EIF4E1B: variants seen among roughly 807,000 people sequenced by gnomAD.
EIF4E1B encodes eukaryotic translation initiation factor 4E family member 1B.
In EIF4E1B, 22 loss-of-function variants were observed where a neutral mutation model predicts 31.3. The ratio of observed to expected loss-of-function variants is 0.70; its 90% CI spans 0.50 to 1.00. The LOEUF (loss-of-function observed/expected upper bound fraction) is 1.00. EIF4E1B is among the 50% of genes least tolerant of loss of function. The pLI, the probability that EIF4E1B is intolerant of heterozygous loss-of-function variation, is 0.00. For missense variants in EIF4E1B, 290 were observed against 311.6 expected (o/e 0.93, Z 0.52); for synonymous variants, 126 against 120.2 (o/e 1.05, Z -0.31).
At chr5:176,636,045 G>GACCTCAGGTGATCTGCCC (rs1266201311) in intron 1 of EIF4E1B, among the ~76,000 whole-genome samples, 1 of 152,186 alleles carries the variant, frequency 6.6e-6, no homozygotes, top group Non-Finnish European at 1.5e-5. Context: ...TCGAACTCCT[G>GACCTCAGGTGATCTGCCC]ACCTCAGGTG....
intron 1 of EIF4E1B, among the ~76,000 whole-genome samples, chr5:176,636,578 C>G (rs138756603): frequency 5.3e-4 from 81 of 152,320 alleles, no homozygotes; most frequent in African/African-American, 5.8e-4. Context: ...CTTTGTAACT[C>G]TGTGTGTGGC....
chr5:176,637,214 G>A (rs989592722), intron 1 of EIF4E1B, among the ~76,000 whole-genome samples: 15 of 152,144 alleles, frequency 9.9e-5, no homozygotes, highest in East Asian at 7.7e-4. Context: ...CGAGGTGGGC[G>A]GATCACCTGC....
intron 1 of EIF4E1B, among the ~76,000 whole-genome samples, chr5:176,639,335 C>T (rs1236734649): frequency 6.6e-6 from 1 of 152,164 alleles, no homozygotes; most frequent in East Asian, 1.9e-4. Context: ...TTAAGAGCCC[C>T]TGCTGGTTCA....
intron 1 of EIF4E1B, among the ~76,000 whole-genome samples, chr5:176,631,337 A>G (rs1264810571): frequency 6.6e-6 from 1 of 152,156 alleles, no homozygotes; most frequent in Non-Finnish European, 1.5e-5. Context: ...TACGGTGGGG[A>G]CTGTCAAAAT....
At position 176,645,250 on chromosome 5, in the gene EIF4E1B, TGGA is replaced by T. The variant is rs568798385; in HGVS notation, c.474+16_474+18del. ...CCGGCTGTGGCTGGAGACGGTGAGT[TGGA>T]GGAGGAGGGTCCTCAGGGGAAGAGA... On this transcript the variant is annotated splice_region_variant and intron_variant, in intron 7 of 8. Coordinates refer to ENST00000318682, the MANE Select transcript of EIF4E1B (RefSeq NM_001099408.2). The surrounding 1 kb of genome is among the most constrained non-coding windows in gnomAD (Gnocchi z 5.4). 81 of 1,602,142 alleles carry T rather than the reference TGGA, an allele frequency of 5.1e-5. 1 individual carries two copies. In the East Asian group the frequency reaches 1.7e-3, roughly 34 times the overall value.
chr5:176,636,452 A>G (rs1760494291), intron 1 of EIF4E1B, among the ~76,000 whole-genome samples: 1 of 152,246 alleles, frequency 6.6e-6, no homozygotes, highest in Non-Finnish European at 1.5e-5. Context: ...AACATGGCAA[A>G]AGGTGGGAAA....
chr5:176,642,870 C>CCCCCGGG, intron 3 of EIF4E1B, 68 bp downstream of exon 3: 1 of 1,426,052 alleles, frequency 7.0e-7, no homozygotes, highest in East Asian at 2.6e-5. Flanking sequence ...CCCCCCGCCC[C>CCCCCGGG]AGGTGGGCGG....
intron 5 of EIF4E1B, 116 bp from the exon 6 acceptor site, chr5:176,644,260 G>A: frequency 1.9e-6 from 2 of 1,072,538 alleles, no homozygotes; most frequent in Non-Finnish European, 2.7e-6. Context: ...GCAGGCCAGT[G>A]TAAGCAAAGG....
At chr5:176,642,554 G>A (rs192656569) in intron 2 of EIF4E1B, among the ~76,000 whole-genome samples, 156 bp from the exon 3 acceptor site, 1 of 152,240 alleles carries the variant, frequency 6.6e-6, no homozygotes, top group Non-Finnish European at 1.5e-5. Context: ...TCTGATGTGA[G>A]GTTGGGGATG....
At chr5:176,633,814 A>G (rs1186089236) in intron 1 of EIF4E1B, among the ~76,000 whole-genome samples, 1 of 152,204 alleles carries the variant, frequency 6.6e-6, no homozygotes. Flanking sequence ...ACAAGAAGTC[A>G]CTGAAGGATT....
chr5:176,636,966 C>A (rs965090346), intron 1 of EIF4E1B, among the ~76,000 whole-genome samples: 2 of 152,336 alleles, frequency 1.3e-5, no homozygotes, highest in African/African-American at 4.8e-5. Flanking sequence ...TGGGATGGGG[C>A]AGACAATTCA....
In EIF4E1B at chr5:176,638,992, G is replaced by A. The variant is rs1420096359; in HGVS notation, c.-201-3051G>A. On this transcript the variant is annotated intron_variant, in intron 1 of 8. Transcript: ENST00000318682. The surrounding 1 kb of genome is among the most constrained non-coding windows in gnomAD (Gnocchi z 4.3). ...TTTGTTTTATTTTTAGTAGAGACAC[G>A]GTTTTACCATGTTGGCCAGGCTACT... Among the ~76,000 whole-genome samples, 2 of 152,100 alleles carry A rather than the reference G, an allele frequency of 1.3e-5. No individual in the cohort carries two copies. Among genetic ancestry groups the A allele is most frequent in the African/African-American group, 2.4e-5 (1 of 41,406 alleles).
rs1197286787 is a variant in EIF4E1B, at chr5:176,643,049, C to T, written c.16-33C>T. On this transcript the variant is annotated intron_variant, in intron 3 of 8. Coordinates refer to ENST00000318682, the MANE Select transcript of EIF4E1B (RefSeq NM_001099408.2). ...CACAGGGACAGCCAGGGCCAGAGCTCACAACCCATCCTGACTCCTTTTTTT... is the reference window on the plus strand; with the variant it reads ...CACAGGGACAGCCAGGGCCAGAGCTTACAACCCATCCTGACTCCTTTTTTT... 2.5e-6 allele frequency: 4 copies of T among 1,578,720 alleles called. No homozygotes were observed. In the Admixed American group the frequency reaches 5.6e-5, roughly 22 times the overall value.
Position 176,645,493 on chromosome 5 carries a change from C to T in EIF4E1B, c.591C>T (p.Asn197=). The change falls in exon 8 of 9, where the codon AAC becomes AAT. Residue 197 remains asparagine, a synonymous_variant. Coordinates refer to ENST00000318682, the MANE Select transcript of EIF4E1B (RefSeq NM_001099408.2). This position sits in a 1 kb window ranked among gnomAD's most constrained non-coding sequence, Gnocchi z 5.4. ...KIAVWTREAE[N]QAGVLHVGRV... ...CTGTGTGGACGAGGGAGGCGGAAAA[C>T]CAGGCGGGCGTGCTGCACGTTGGGT... 6.6e-7 allele frequency: 1 copy of T among 1,516,760 alleles called. No homozygotes were observed. 94.0% of individuals were successfully genotyped at this position (1,516,760 alleles called of 1,614,324 possible).
chr5:176,644,944 C>T (rs1475209830), intron 6 of EIF4E1B, among the ~76,000 whole-genome samples, 186 bp from the exon 7 acceptor site: 3 of 152,174 alleles, frequency 2.0e-5, no homozygotes, highest in Non-Finnish European at 2.9e-5. Context: ...TACAAGGTGA[C>T]CAGTGCTGTC....
intron 1 of EIF4E1B, among the ~76,000 whole-genome samples, chr5:176,635,040 A>C (rs1253420927): frequency 6.6e-6 from 1 of 151,996 alleles, no homozygotes; most frequent in Non-Finnish European, 1.5e-5. Context: ...TGGAGTCATT[A>C]GCATAGAGGT....
rs1055727224 is a variant in EIF4E1B, at chr5:176,642,858, C to CGCCT, written c.15+56_15+57insGCCT. On this transcript the variant is annotated intron_variant, in intron 3 of 8. Transcript: ENST00000318682. ...CACCATGGCCCCGCCCTCTCCCCCC[C>CGCCT]CCCCCCCGCCCCAGGTGGGCGGGGC... 10 of 1,290,720 alleles carry CGCCT rather than the reference C, an allele frequency of 7.7e-6. 1 individual carries two copies. Among genetic ancestry groups the CGCCT allele is most frequent in the Non-Finnish European group, 9.0e-6 (9 of 1,005,300 alleles). The allele number at this position is 1,290,720 out of a possible 1,614,324, so 80.0% of individuals were successfully genotyped here.
intron 1 of EIF4E1B, among the ~76,000 whole-genome samples, chr5:176,632,835 A>G (rs1180991716): frequency 6.6e-6 from 1 of 152,122 alleles, no homozygotes; most frequent in Non-Finnish European, 1.5e-5. Context: ...CCTCTGAGAG[A>G]TGACTATGCC....
chr5:176,639,600 C>A (rs960588741), intron 1 of EIF4E1B, among the ~76,000 whole-genome samples: 7 of 151,898 alleles, frequency 4.6e-5, no homozygotes, highest in African/African-American at 7.3e-5. Context: ...TGGGGGGAGC[C>A]CTTCCTTCCT....
Sources: allele counts gnomAD v4.1 joint callset (sites outside exome capture counted in the v4.1 genomes callset), GRCh38; gene constraint gnomAD v4.1.1; non-coding constraint Gnocchi (gnomAD v3.1); transcripts MANE v1.5; gene names NCBI Gene and HGNC (gene_info 2026-07-23, HGNC 2026-07-21).